Variants in POTEC observed in about 807,000 individuals in gnomAD.
POTEC encodes the protein ANKRD26-like family B member 2.
POTEC carries 35 observed loss-of-function variants against 62.0 expected under a neutral mutation model. The ratio of observed to expected loss-of-function variants is 0.56; its 90% CI spans 0.43 to 0.75. The LOEUF (loss-of-function observed/expected upper bound fraction) is 0.75, where lower values mean the gene tolerates loss of function less well. Among genes scored for constraint, POTEC ranks in the 30% least tolerant of loss-of-function variants. The pLI is 0.00. For synonymous variants in POTEC, 156 were observed against 221.5 expected, an observed-to-expected ratio of 0.70 and a Z score of 2.62; for missense variants, 472 against 655.9, an observed-to-expected ratio of 0.72 and a Z score of 3.06.
intron 6 of POTEC, among the ~76,000 whole-genome samples, chr18:14,526,058 T>G (rs936996495): frequency 2.0e-5 from 3 of 152,044 alleles, no homozygotes; most frequent in African/African-American, 7.2e-5. Context: ...CACACCATCA[T>G]GCCCAGCTAA....
chr18:14,513,985 T>C (rs1455758119), intron 9 of POTEC, among the ~76,000 whole-genome samples, 200 bp from the exon 10 acceptor site: 3 of 152,022 alleles, frequency 2.0e-5, no homozygotes. Flanking sequence ...AGATAATTTT[T>C]CCATGGACCT....
intron 10 of POTEC, among the ~76,000 whole-genome samples, chr18:14,512,598 A>G (rs1910037878): frequency 2.0e-5 from 3 of 152,212 alleles, no homozygotes; most frequent in Admixed American, 2.0e-4. Flanking sequence ...CACGATTCTT[A>G]AAAGGAGAGG....
Position 14,542,869 on chromosome 18 carries a change from G to T in POTEC, c.278C>A (p.Thr93Lys). The T allele has an allele frequency of 1.5e-6, 2 of 1,296,702 alleles. No homozygotes were observed. The highest frequency in any genetic ancestry group is 2.8e-5 in the South Asian group (2 of 72,426). 80.3% of individuals were successfully genotyped at this position (1,296,702 alleles called of 1,614,324 possible). Residue 93 changes from threonine (T) to lysine (K), a missense_variant, in exon 1 of 11, where the codon ACG becomes AAG. Transcript: ENST00000358970. ...SGDHDNSFMK[T>K]LRSKMGKWCC... ...CCACTTGCCCATCTTGCTCCTGAGC[G>T]TCTTCATAAAGGAGTTGTCATGGTC...
At chr18:14,518,412 A>G (rs1429845754) in intron 9 of POTEC, among the ~76,000 whole-genome samples, 2 of 151,958 alleles carry the variant, frequency 1.3e-5, no homozygotes, top group African/African-American at 4.8e-5. Context: ...TTTTTTTTCT[A>G]ATACAAAAAA....
chr18:14,513,883 T>C (rs1039901282), intron 9 of POTEC, 98 bp from the exon 10 acceptor site: 1 of 1,583,046 alleles, frequency 6.3e-7, no homozygotes, highest in Non-Finnish European at 8.6e-7. Flanking sequence ...ACAATGCATA[T>C]CTGCACATTA....
chr18:14,517,706 A>G (rs1910202564), intron 9 of POTEC, among the ~76,000 whole-genome samples: 2 of 152,214 alleles, frequency 1.3e-5, no homozygotes, highest in Non-Finnish European at 2.9e-5. Context: ...TATTAAAAAT[A>G]CAAATATTAG....
chr18:14,543,354 G>C lies in POTEC; in HGVS notation c.-208C>G. The C allele has an allele frequency of 3.5e-6, 3 of 867,068 alleles. No individual in the cohort carries two copies. The highest frequency in any genetic ancestry group is 5.2e-6 in the Non-Finnish European group (3 of 572,780). 53.7% of individuals were successfully genotyped at this position (867,068 alleles called of 1,614,324 possible). A position where few individuals can be genotyped will look rare whatever the true frequency, so the allele number is the denominator to read the frequency against. On this transcript the variant is annotated 5_prime_UTR_variant, in exon 1 of 11. Coordinates refer to ENST00000358970, the MANE Select transcript of POTEC (RefSeq NM_001137671.2). Reference sequence around the variant, plus strand: ...ACCCGGGGAAAGCCCACGCCCACCAGGGGGACCCAACGCCCACCCCAGGAA... The same window carrying C: ...ACCCGGGGAAAGCCCACGCCCACCACGGGGACCCAACGCCCACCCCAGGAA...
At chr18:14,539,610 G>T (rs371347118) in intron 1 of POTEC, among the ~76,000 whole-genome samples, 1 of 150,520 alleles carries the variant, frequency 6.6e-6, no homozygotes, top group African/African-American at 2.5e-5. Context: ...ACAGGCTCTT[G>T]TTCTTTCTTT....
chr18:14,535,832 C>CTTA (rs1905694090), intron 3 of POTEC, among the ~76,000 whole-genome samples: 1 of 151,806 alleles, frequency 6.6e-6, no homozygotes, highest in Non-Finnish European at 1.5e-5. Flanking sequence ...CCATCCTCTA[C>CTTA]TTATTGGAAG....
intron 1 of POTEC, among the ~76,000 whole-genome samples, chr18:14,542,144 A>T (rs1232084604): frequency 6.6e-6 from 1 of 152,186 alleles, no homozygotes; most frequent in Non-Finnish European, 1.5e-5. Context: ...ATTCAAAGAT[A>T]TGAACCATAC....
intron 7 of POTEC, 41 bp from the exon 8 acceptor site, chr18:14,523,548 T>G (rs1341580970): frequency 1.3e-6 from 2 of 1,588,492 alleles, no homozygotes; most frequent in Non-Finnish European, 1.7e-6. Context: ...CTTGTTGTAT[T>G]TCCATGTATG....
intron 9 of POTEC, among the ~76,000 whole-genome samples, chr18:14,514,880 T>C (rs1447019075): frequency 6.6e-6 from 1 of 152,064 alleles, no homozygotes; most frequent in Non-Finnish European, 1.5e-5. Context: ...AATATACAAA[T>C]ACCAATGAAT....
At chr18:14,531,723 GC>G (rs1905523746) in intron 5 of POTEC, 1 of 151,934 alleles carries the variant, frequency 6.6e-6, no homozygotes, top group South Asian at 2.1e-4. Flanking sequence ...TTATGCAGAA[GC>G]CATGCTAACT....
chr18:14,515,590 C>T (rs13381445), intron 9 of POTEC, among the ~76,000 whole-genome samples: 2,079 of 151,658 alleles, frequency 0.014, 51 homozygotes, highest in African/African-American at 0.048. Flanking sequence ...AGACATTAGC[C>T]TAGGCAAATA....
At chr18:14,539,510 T>G (rs1192924534) in intron 1 of POTEC, among the ~76,000 whole-genome samples, 6 of 144,088 alleles carry the variant, frequency 4.2e-5, no homozygotes, top group Non-Finnish European at 9.0e-5. Flanking sequence ...CTCCCACCTA[T>G]AAGTGAGACC....
intron 5 of POTEC, chr18:14,531,799 A>G (rs1253927492): frequency 1.3e-5 from 2 of 151,862 alleles, no homozygotes; most frequent in Non-Finnish European, 2.9e-5. Flanking sequence ...CTACTTTTAC[A>G]CATGATTTGT....
chr18:14,510,629 G>A lies in POTEC; in HGVS notation c.*1269C>T, dbSNP rs1488681219. On this transcript the variant is annotated 3_prime_UTR_variant, in exon 11 of 11. Transcript: ENST00000358970. Reference sequence around the variant, plus strand: ...GACGATAGCCTGCCCTTCCCTCTGGGAGCTCTGTACCTCTGAGGTATGAAC... The same window carrying A: ...GACGATAGCCTGCCCTTCCCTCTGGAAGCTCTGTACCTCTGAGGTATGAAC... The A allele has an allele frequency of 1.3e-5, 2 of 152,290 alleles. No homozygotes were observed. The highest frequency in any genetic ancestry group is 2.9e-5 in the Non-Finnish European group (2 of 68,134). 9.4% of individuals were successfully genotyped at this position (152,290 alleles called of 1,614,324 possible).
chr18:14,530,112 C>T (rs1210814672), intron 6 of POTEC, among the ~76,000 whole-genome samples: 1 of 151,702 alleles, frequency 6.6e-6, no homozygotes, highest in Admixed American at 6.6e-5. Flanking sequence ...ACTAGATACT[C>T]ATTGGAGCAT....
chr18:14,516,903 G>A (rs1910178775), intron 9 of POTEC, among the ~76,000 whole-genome samples: 1 of 151,390 alleles, frequency 6.6e-6, no homozygotes, highest in Admixed American at 6.6e-5. Flanking sequence ...TGAGAAGAAA[G>A]TGAACAAGAA....
Sources: gnomAD v4.1 joint callset for allele counts (sites outside exome capture counted in the v4.1 genomes callset) on GRCh38, gnomAD v4.1.1 for gene constraint, MANE v1.5 for transcripts, NCBI Gene and HGNC (gene_info 2026-07-23, HGNC 2026-07-21) for gene names.